The following KPNA5 variants were observed in gnomAD, a reference collection of about 807,000 sequenced individuals.
KPNA5 encodes karyopherin subunit alpha 5.
Under a neutral mutation model 71.3 loss-of-function variants are expected in KPNA5, and 46 were observed. That is an observed-to-expected ratio of 0.65 (90% confidence interval 0.51 to 0.83). The LOEUF (loss-of-function observed/expected upper bound fraction) is 0.83. Among genes scored for constraint, KPNA5 ranks in the 40% least tolerant of loss-of-function variants. The pLI is 0.00. For missense variants in KPNA5, 547 were observed against 628.3 expected (o/e 0.87, Z 1.38); for synonymous variants, 207 against 201.4 (o/e 1.03, Z -0.24).
chr6:116,728,436 A>T (rs1201034989), intron 12 of KPNA5, among the ~76,000 whole-genome samples: 1 of 152,132 alleles, frequency 6.6e-6, no homozygotes, highest in Non-Finnish European at 1.5e-5. Context: ...TAAGTTATGC[A>T]TCCATACCAC....
chr6:116,721,979 C>A, intron 8 of KPNA5, 147 bp from the exon 9 acceptor site: 2 of 514,578 alleles, frequency 3.9e-6, no homozygotes, highest in South Asian at 4.6e-5. Flanking sequence ...CATATTCATA[C>A]ATCTGATTAT....
intron 13 of KPNA5, 98 bp downstream of exon 13, chr6:116,729,839 T>A (rs1779420118): frequency 2.8e-6 from 2 of 726,796 alleles, no homozygotes; most frequent in Non-Finnish European, 4.1e-6. Flanking sequence ...GTAAAAGCAG[T>A]ATGTATTTTT....
chr6:116,696,424 C>T (rs1364608793), intron 4 of KPNA5, among the ~76,000 whole-genome samples: 2 of 152,116 alleles, frequency 1.3e-5, no homozygotes, highest in Non-Finnish European at 2.9e-5. Context: ...CTTTTGCAGG[C>T]ATTTCTTTAT....
intron 2 of KPNA5, 83 bp from the exon 3 acceptor site, chr6:116,691,972 A>G (rs1421742242): frequency 2.3e-6 from 2 of 853,500 alleles, no homozygotes; most frequent in Middle Eastern, 2.8e-4. Flanking sequence ...TCTTTTGTCC[A>G]CTCAAATGAA....
At chr6:116,717,908 ATAC>A (rs1463369925) in intron 8 of KPNA5, among the ~76,000 whole-genome samples, 6 of 152,082 alleles carry the variant, frequency 3.9e-5, no homozygotes, top group Admixed American at 6.6e-5. Flanking sequence ...CCAGAAAGTT[ATAC>A]TCCGTCATTT....
chr6:116,696,192 G>C (rs1305150555), intron 4 of KPNA5, among the ~76,000 whole-genome samples: 3 of 152,072 alleles, frequency 2.0e-5, no homozygotes, highest in Admixed American at 6.6e-5. Flanking sequence ...TGTGTTCTCT[G>C]TTTCTTCTTT....
In KPNA5 at chr6:116,736,984, A is replaced by T. The variant is rs2114523475; in HGVS notation, c.*4661A>T. 6.6e-6 allele frequency: 1 copy of T among 152,002 alleles called. No homozygotes were observed. Among genetic ancestry groups the T allele is most frequent in the Middle Eastern group, 3.4e-3 (1 of 294 alleles). 9.4% of individuals were successfully genotyped at this position (152,002 alleles called of 1,614,324 possible). ...CACAGCAAGTATAATAGCTGTTTGA[A>T]TGGCCTTGCTACTAATTCTGTCATT... is the stretch of plus-strand genomic sequence containing the variant. On this transcript the variant is annotated 3_prime_UTR_variant, in exon 14 of 14. Transcript: ENST00000368564.
intron 7 of KPNA5, among the ~76,000 whole-genome samples, chr6:116,708,510 CTGTAGATCACTT>C (rs1778531658): frequency 6.6e-6 from 1 of 152,112 alleles, no homozygotes; most frequent in Non-Finnish European, 1.5e-5. Context: ...TTCATTTACT[CTGTAGATCACTT>C]TGAGCAGTAT....
At chr6:116,699,761 A>G (rs1455824591) in intron 5 of KPNA5, among the ~76,000 whole-genome samples, 9 of 152,236 alleles carry the variant, frequency 5.9e-5, no homozygotes. Context: ...ACTAAAACCC[A>G]GACCTCTTGA....
chr6:116,704,854 C>T lies in KPNA5; in HGVS notation c.568-218C>T, dbSNP rs371310325. On this transcript the variant is annotated intron_variant, in intron 6 of 13. Coordinates refer to ENST00000368564, the MANE Select transcript of KPNA5 (RefSeq NM_001366306.2). ...AGCTTGCCAAAGTGCTGGGATTACACGCGTGAGCCACCTTGTTCAGCTGGA... is the reference window on the plus strand; with the variant it reads ...AGCTTGCCAAAGTGCTGGGATTACATGCGTGAGCCACCTTGTTCAGCTGGA... Among the ~76,000 whole-genome samples, 43 of 152,206 alleles carry T rather than the reference C, an allele frequency of 2.8e-4. No homozygotes were observed. In the South Asian group the frequency reaches 7.3e-3, roughly 26 times the overall value.
At chr6:116,698,399 T>C (rs1347641690) in intron 4 of KPNA5, among the ~76,000 whole-genome samples, 2 of 152,036 alleles carry the variant, frequency 1.3e-5, no homozygotes, top group Admixed American at 1.3e-4. Context: ...TTTTGAGTTT[T>C]AGACAGAAAT....
In KPNA5 at chr6:116,741,207, C is replaced by G. The variant is rs1040759155; in HGVS notation, c.*8884C>G. 1.3e-5 allele frequency: 2 copies of G among 152,080 alleles called. No individual in the cohort carries two copies. The highest frequency in any genetic ancestry group is 4.8e-5 in the African/African-American group (2 of 41,430). The allele number at this position is 152,080 out of a possible 1,614,324, so 9.4% of individuals were successfully genotyped here. A position where few individuals can be genotyped will look rare whatever the true frequency, so the allele number is the denominator to read the frequency against. ...TTACATACTAGTCTGCTTAATTCATCAGTTTCTAACTCGCCAGTTTCTAAG... is the reference window on the plus strand; with the variant it reads ...TTACATACTAGTCTGCTTAATTCATGAGTTTCTAACTCGCCAGTTTCTAAG... On this transcript the variant is annotated 3_prime_UTR_variant, in exon 14 of 14. Coordinates refer to ENST00000368564, the MANE Select transcript of KPNA5 (RefSeq NM_001366306.2).
chr6:116,719,043 C>T (rs1322208188), intron 8 of KPNA5, among the ~76,000 whole-genome samples: 1 of 152,190 alleles, frequency 6.6e-6, no homozygotes, highest in African/African-American at 2.4e-5. Flanking sequence ...CTCAGCCTCC[C>T]AAAGTGCTGG....
rs759204067 is a variant in KPNA5 at position 116,692,135 on chromosome 6, T to C, written c.219T>C (p.Ser73=). The change falls in exon 3 of 14, where the codon AGT becomes AGC. Residue 73 remains serine (S), a synonymous_variant. Transcript: ENST00000368564. ...LESPIQDPDI[S]STVPIPEEEV... is the part of the protein sequence containing the mutation. ...GTCCTATACAGGATCCAGATATTAG[T>C]TCCACTGTACCCATTCCAGAGGTAT... is the stretch of plus-strand genomic sequence containing the variant. 6.2e-6 allele frequency: 10 copies of C among 1,608,568 alleles called. No homozygotes were observed. The Middle Eastern group carries it at 5.0e-4, about 80-fold the overall frequency.
At chr6:116,728,857 C>T (rs182212645) in intron 12 of KPNA5, among the ~76,000 whole-genome samples, 2 of 152,104 alleles carry the variant, frequency 1.3e-5, no homozygotes, top group African/African-American at 4.8e-5. Context: ...AACCTTTGTA[C>T]TTAATATGGA....
chr6:116,702,271 T>A, intron 6 of KPNA5, 121 bp downstream of exon 6: 1 of 1,004,334 alleles, frequency 1.0e-6, no homozygotes, highest in Non-Finnish European at 1.4e-6. Context: ...CATTAAATTG[T>A]AGTAGTGTTT....
At chr6:116,687,672 G>A (rs1777643456) in intron 1 of KPNA5, among the ~76,000 whole-genome samples, 1 of 152,084 alleles carries the variant, frequency 6.6e-6, no homozygotes, top group African/African-American at 2.4e-5. Flanking sequence ...ATACTACTCA[G>A]ATGGCTCAGT....
intron 1 of KPNA5, among the ~76,000 whole-genome samples, chr6:116,688,462 G>C (rs1777678071): frequency 6.6e-6 from 1 of 152,074 alleles, no homozygotes; most frequent in Non-Finnish European, 1.5e-5. Context: ...GATTTTGTGT[G>C]TGTGTGATGT....
At position 116,741,113 on chromosome 6, in the gene KPNA5, G is replaced by T. The variant is rs1325314777; in HGVS notation, c.*8790G>T. ...TGATACTTGCTTTATGATCTGATAT[G>T]TGTTGGTTTTAGTGAAATGGCCCAT... On this transcript the variant is annotated 3_prime_UTR_variant, in exon 14 of 14. Transcript: ENST00000368564. 6.6e-6 allele frequency: 1 copy of T among 152,114 alleles called. No homozygotes were observed. Among genetic ancestry groups the T allele is most frequent in the African/African-American group, 2.4e-5 (1 of 41,430 alleles). The allele number at this position is 152,114 out of a possible 1,614,324, so 9.4% of individuals were successfully genotyped here.
Sources: allele counts gnomAD v4.1 joint callset (sites outside exome capture counted in the v4.1 genomes callset), GRCh38; gene constraint gnomAD v4.1.1; transcripts MANE v1.5; gene names NCBI Gene and HGNC (gene_info 2026-07-23, HGNC 2026-07-21).